The following RFLNA variants were observed in gnomAD, a reference collection of about 807,000 sequenced individuals.
The protein encoded by RFLNA is refilin-A.
RFLNA carries 5 observed loss-of-function variants against 7.8 expected under a neutral mutation model. The ratio of observed to expected loss-of-function variants is 0.64; its 90% CI spans 0.34 to 1.35. RFLNA has a LOEUF of 1.35. Ranked by LOEUF, RFLNA falls within the 40% of genes most tolerant of loss-of-function variation. RFLNA has a pLI of 0.04. For missense variants in RFLNA, 278 were observed against 305.5 expected, an observed-to-expected ratio of 0.91 and a Z score of 0.67; for synonymous variants, 141 against 131.3, an observed-to-expected ratio of 1.07 and a Z score of -0.50.
At chr12:124,303,196 C>T (rs138752254) in intron 1 of RFLNA, among the ~76,000 whole-genome samples, 9 of 152,358 alleles carry the variant, frequency 5.9e-5, no homozygotes, top group African/African-American at 2.2e-4. Context: ...ACTGAGCTCT[C>T]GACAACAGAG....
At chr12:124,291,138 G>A (rs2033820122), upstream of RFLNA, among the ~76,000 whole-genome samples, 1 of 152,170 alleles carries the variant, frequency 6.6e-6, no homozygotes, top group African/African-American at 2.4e-5. Context: ...ATCCACCCTA[G>A]CAGCCTCCAG....
rs936171024 is a variant in RFLNA, at chr12:124,306,761, C to T, written c.208-5057C>T. 6.6e-6 allele frequency among the ~76,000 whole-genome samples: 1 copy of T among 152,112 alleles called. No individual in the cohort carries two copies. The highest frequency in any genetic ancestry group is 1.5e-5 in the Non-Finnish European group (1 of 68,000). On this transcript the variant is annotated intron_variant, in intron 1 of 2. Coordinates refer to ENST00000546355, the MANE Select transcript of RFLNA (RefSeq NM_001365156.1). The surrounding 1 kb of genome is among the most constrained non-coding windows in gnomAD (Gnocchi z 5.2). ...AATGGTGCCCGGCACAGTGAGAGTG[C>T]AAAAAGCTCTGCATCCTCATTGTCC...
upstream of RFLNA, among the ~76,000 whole-genome samples, chr12:124,293,272 C>G (rs75227263): frequency 9.8e-3 from 1,487 of 152,258 alleles, 11 homozygotes; most frequent in Middle Eastern, 0.027. Flanking sequence ...CCCTGCAATT[C>G]TGAGACTCCA....
chr12:124,314,377 C>G lies in RFLNA; in HGVS notation c.503C>G (p.Thr168Ser), dbSNP rs142143345. 3.1e-6 allele frequency: 5 copies of G among 1,612,340 alleles called. No individual in the cohort carries two copies. The highest frequency in any genetic ancestry group is 4.2e-6 in the Non-Finnish European group (5 of 1,179,944). ...CGCGCCCTGCGCTTCCGCAGCACCA[C>G]CATCATCTTCCCCAAGCATGCCAGG... ...RPRALRFRST[T>S]IIFPKHARST... The change falls in exon 3 of 3, where the codon ACC becomes AGC. Residue 168 changes from threonine (T) to serine (S), a missense_variant. By Grantham distance (58) the Thr-to-Ser change is moderately conservative. Transcript: ENST00000546355.
At chr12:124,292,796 G>A (rs2033843377), upstream of RFLNA, among the ~76,000 whole-genome samples, 1 of 152,200 alleles carries the variant, frequency 6.6e-6, no homozygotes, top group Non-Finnish European at 1.5e-5. Flanking sequence ...AAGGGGGCCA[G>A]GATTAGTAGA....
intron 2 of RFLNA, among the ~76,000 whole-genome samples, chr12:124,312,315 GA>G (rs1252055009): frequency 7.6e-6 from 1 of 131,704 alleles, no homozygotes; most frequent in Non-Finnish European, 1.6e-5. Flanking sequence ...TCTCCTGCCA[GA>G]TTTTTTTTTT....
chr12:124,308,791 T>C (rs1024780417), intron 1 of RFLNA, among the ~76,000 whole-genome samples: 6 of 152,224 alleles, frequency 3.9e-5, no homozygotes, highest in Non-Finnish European at 5.9e-5. Flanking sequence ...TGAGGGCCTC[T>C]GCACACAGCA....
chr12:124,294,170 C>T (rs777933256), upstream of RFLNA, among the ~76,000 whole-genome samples: 2 of 152,212 alleles, frequency 1.3e-5, no homozygotes, highest in Non-Finnish European at 2.9e-5. Flanking sequence ...GATTCTGACA[C>T]CCGGCTTCCC....
intron 1 of RFLNA, among the ~76,000 whole-genome samples, chr12:124,302,649 C>T (rs2034058182): frequency 6.6e-6 from 1 of 152,208 alleles, no homozygotes; most frequent in African/African-American, 2.4e-5. Context: ...GGTTCATCTT[C>T]CCCATGGGTG....
intron 1 of RFLNA, among the ~76,000 whole-genome samples, chr12:124,304,617 C>T (rs2034106682): frequency 6.6e-6 from 1 of 152,372 alleles, no homozygotes; most frequent in South Asian, 2.1e-4. Context: ...GGCTCTGCCA[C>T]AGCACAAAGG....
upstream of RFLNA, among the ~76,000 whole-genome samples, chr12:124,292,177 T>A (rs1298715441): frequency 1.3e-5 from 2 of 152,338 alleles, no homozygotes; most frequent in Non-Finnish European, 2.9e-5. Context: ...ATTCTTTACC[T>A]GCTTCAAAAC....
Position 124,295,353 on chromosome 12 carries a change from C to T in RFLNA, c.-77C>T. 1.1e-6 allele frequency: 1 copy of T among 911,830 alleles called. No homozygotes were observed. Among genetic ancestry groups the T allele is most frequent in the Non-Finnish European group, 1.4e-6 (1 of 702,436 alleles). The allele number at this position is 911,830 out of a possible 1,614,324, so 56.5% of individuals were successfully genotyped here. ...CGGGCGCGCAGCTCTCGCCCCGCCG[C>T]CGCCTGCCCCGGGCCCCGGAGCGCG... On this transcript the variant is annotated 5_prime_UTR_variant, in exon 1 of 3. Coordinates refer to ENST00000546355, the MANE Select transcript of RFLNA (RefSeq NM_001365156.1).
rs1164883399 is a variant in RFLNA at position 124,295,582 on chromosome 12, C to G, written c.153C>G (p.Arg51=). 6.0e-5 allele frequency: 73 copies of G among 1,220,542 alleles called. No individual in the cohort carries two copies. The East Asian group carries it at 2.2e-3, about 37-fold the overall frequency. 75.6% of individuals were successfully genotyped at this position (1,220,542 alleles called of 1,614,324 possible). A position where few individuals can be genotyped will look rare whatever the true frequency, so the allele number is the denominator to read the frequency against. Residue 51 remains arginine, a synonymous_variant, in exon 1 of 3, where the codon CGC becomes CGG. Coordinates refer to ENST00000546355, the MANE Select transcript of RFLNA (RefSeq NM_001365156.1). ...YSLAPGILDA[R]AGGAGASSEP... is the part of the protein sequence containing the mutation. ...TGGCGCCCGGCATCCTCGACGCGCG[C>G]GCGGGGGGCGCCGGCGCCTCCTCGG... is the stretch of plus-strand genomic sequence containing the variant.
chr12:124,308,512 ACC>A (rs1351889636), intron 1 of RFLNA, among the ~76,000 whole-genome samples: 7 of 152,018 alleles, frequency 4.6e-5, no homozygotes, highest in Admixed American at 4.6e-4. Flanking sequence ...CCATGCGTTG[ACC>A]CTCGCTGCTT....
upstream of RFLNA, among the ~76,000 whole-genome samples, chr12:124,292,736 T>A (rs2033842342): frequency 6.6e-6 from 1 of 152,044 alleles, no homozygotes; most frequent in Non-Finnish European, 1.5e-5. Context: ...GTGGGCATAG[T>A]CATGAAGGCA....
At chr12:124,313,853 A>T (rs1226493139) in intron 2 of RFLNA, among the ~76,000 whole-genome samples, 1 of 152,198 alleles carries the variant, frequency 6.6e-6, no homozygotes, top group African/African-American at 2.4e-5. Flanking sequence ...TGTCAACGTC[A>T]GGGAAGTGCA....
upstream of RFLNA, among the ~76,000 whole-genome samples, chr12:124,293,755 G>C (rs1363171059): frequency 6.6e-6 from 1 of 152,176 alleles, no homozygotes; most frequent in Non-Finnish European, 1.5e-5. Context: ...TCAGGAAGCG[G>C]CCCCACCCTC....
chr12:124,295,056 A>C (rs1969057), upstream of RFLNA, among the ~76,000 whole-genome samples: 23,229 of 150,704 alleles, frequency 0.15, 2,424 homozygotes, highest in African/African-American at 0.29. Context: ...GGGGAGGAGG[A>C]GGCGCCTAGA....
At chr12:124,291,367 G>C (rs2033822438), upstream of RFLNA, among the ~76,000 whole-genome samples, 1 of 152,158 alleles carries the variant, frequency 6.6e-6, no homozygotes, top group South Asian at 2.1e-4. Flanking sequence ...GGATTCTCCT[G>C]CCTCAGCCTC....
Sources: gnomAD v4.1 joint callset for allele counts (sites outside exome capture counted in the v4.1 genomes callset) on GRCh38, gnomAD v4.1.1 for gene constraint, Gnocchi (gnomAD v3.1) non-coding constraint, MANE v1.5 for transcripts, NCBI Gene and HGNC (gene_info 2026-07-23, HGNC 2026-07-21) for gene names.